The following CCDC88C variants were observed in gnomAD, a reference collection of about 807,000 sequenced individuals.
The protein encoded by CCDC88C is coiled-coil and HOOK domain protein 88C.
A neutral mutation model predicts 198.8 loss-of-function variants in CCDC88C; 131 were observed. The observed-to-expected ratio is 0.66, with a 90% confidence interval of 0.57 to 0.76. The LOEUF is 0.76. Ranked by LOEUF, CCDC88C falls within the 30% of genes least tolerant of loss-of-function variation. The pLI is 0.00. For synonymous variants in CCDC88C, 1,166 were observed against 1,114.7 expected (o/e 1.05, Z -0.92); for missense variants, 2,553 against 2,631.6 (o/e 0.97, Z 0.65).
Position 91,325,953 on chromosome 14 carries a change from T to C in CCDC88C, c.1154A>G (p.Lys385Arg), listed in dbSNP as rs1486529148. The change falls in exon 11 of 30, where the codon AAG (lysine) becomes AGG (arginine). Residue 385 changes from lysine (K) to arginine (R), a missense_variant. By Grantham distance (26) the Lys-to-Arg change is conservative. Transcript: ENST00000389857. The surrounding 1 kb of genome is among the most constrained non-coding windows in gnomAD (Gnocchi z 4.1). ...ARGDKVHELE[K>R]ENLQLKSKLH... ...CTTGGATTTCAGCTGCAGGTTCTCC[T>C]TTTCCAGCTCATGGACTTTATCGCC... 1 of 1,561,834 alleles carries C rather than the reference T, an allele frequency of 6.4e-7. No individual in the cohort carries two copies. Among genetic ancestry groups the C allele is most frequent in the Non-Finnish European group, 8.7e-7 (1 of 1,152,094 alleles).
At position 91,289,162 on chromosome 14, in the gene CCDC88C, CG is replaced by C; in HGVS notation, c.4383del (p.Ala1462HisfsTer24). 6.2e-7 allele frequency: 1 copy of C among 1,613,710 alleles called. No homozygotes were observed. Among genetic ancestry groups the C allele is most frequent in the Non-Finnish European group, 8.5e-7 (1 of 1,179,856 alleles). ...TCTTCTGCACAGTTGGAGCCCAGTG[CG>C]GGGGTGTCGGGGTTCTCGGCCTGTG... Reference protein sequence around the residue: ...LRSQAENPDTPALGSNCAEER... With the variant: ...LRSQAENPDTXALGSNCAEER... On this transcript the variant is annotated frameshift_variant, in exon 25 of 30. Transcript: ENST00000389857. LOFTEE classifies it high-confidence loss of function.
At chr14:91,379,330 C>A (rs80061751) in intron 3 of CCDC88C, 197 of 153,748 alleles carry the variant, frequency 1.3e-3, no homozygotes, top group African/African-American at 4.5e-3. Context: ...GGGCAAGAAG[C>A]CACAGGGGGA....
Position 91,313,508 on chromosome 14 carries a change from G to A in CCDC88C, c.2308C>T (p.Arg770Trp), listed in dbSNP as rs555874748. 2.6e-5 allele frequency: 42 copies of A among 1,608,562 alleles called. No individual in the cohort carries two copies. The highest frequency in any genetic ancestry group is 1.8e-4 in the Admixed American group (11 of 60,030). Reference sequence around the variant, plus strand: ...CTGCTCTCCAGGCTCTGCTGCAGCCGGAGGTTCTCAGCGCTCACGCTCTGG... The same window carrying A: ...CTGCTCTCCAGGCTCTGCTGCAGCCAGAGGTTCTCAGCGCTCACGCTCTGG... ...SYQSVSAENL[R>W]LQQSLESSSH... The change falls in exon 15 of 30, where the codon CGG becomes TGG. Residue 770 changes from arginine to tryptophan, a missense_variant. Transcript: ENST00000389857. The surrounding 1 kb of genome is among the most constrained non-coding windows in gnomAD (Gnocchi z 5.2).
At chr14:91,373,432 C>T (rs1434213058) in intron 3 of CCDC88C, among the ~76,000 whole-genome samples, 1 of 152,208 alleles carries the variant, frequency 6.6e-6, no homozygotes, top group Non-Finnish European at 1.5e-5. Flanking sequence ...ATTCTACACA[C>T]ATGGGAACCA....
intron 12 of CCDC88C, among the ~76,000 whole-genome samples, chr14:91,324,416 T>G (rs569621083): frequency 6.6e-6 from 1 of 152,252 alleles, no homozygotes; most frequent in Non-Finnish European, 1.5e-5. Context: ...ATAGCAGGGA[T>G]TCGTGGCCAC....
At chr14:91,293,507 G>A (rs67026025) in intron 23 of CCDC88C, among the ~76,000 whole-genome samples, 12,026 of 17,396 alleles carry the variant, frequency 0.69, 3,933 homozygotes, top group Middle Eastern at 0.79. Flanking sequence ...CACCTGCCAC[G>A]GCCTACCTTC....
At chr14:91,283,639 T>C in intron 25 of CCDC88C, 122 bp from the exon 26 acceptor site, 1 of 937,418 alleles carries the variant, frequency 1.1e-6, no homozygotes, top group Non-Finnish European at 1.6e-6. Context: ...AAAGCGGGGC[T>C]GCCACAGCTC....
Position 91,284,683 on chromosome 14 carries a change from G to A in CCDC88C, c.4442-1166C>T, listed in dbSNP as rs1567049341. Among the ~76,000 whole-genome samples, 1 of 152,192 alleles carries A rather than the reference G, an allele frequency of 6.6e-6. No individual in the cohort carries two copies. The highest frequency in any genetic ancestry group is 1.5e-5 in the Non-Finnish European group (1 of 68,036). On this transcript the variant is annotated intron_variant, in intron 25 of 29. Transcript: ENST00000389857. The surrounding 1 kb of genome is among the most constrained non-coding windows in gnomAD (Gnocchi z 4.1). ...AGATGAAGTCAGTGGCACATTAACC[G>A]ACTCTCATATTTTAGTAATTATGTG...
chr14:91,417,595 G>C (rs1486369109), intron 1 of CCDC88C, 36 bp downstream of exon 1: 2 of 1,564,228 alleles, frequency 1.3e-6, no homozygotes, highest in Admixed American at 1.8e-5. Flanking sequence ...AGAAGCCGGT[G>C]CACCAACAAA....
Position 91,293,567 on chromosome 14 carries a change from G to GCCCACCTTCCTGTCCCCTCACCTGCCACA in CCDC88C, c.4112+605_4112+606insTGTGGCAGGTGAGGGGACAGGAAGGTGGG, listed in dbSNP as rs1567055921. Among the ~76,000 whole-genome samples, 2 of 16,124 alleles carry GCCCACCTTCCTGTCCCCTCACCTGCCACA rather than the reference G, an allele frequency of 1.2e-4. 1 individual carries two copies. Among genetic ancestry groups the GCCCACCTTCCTGTCCCCTCACCTGCCACA allele is most frequent in the Non-Finnish European group, 2.3e-4 (2 of 8,524 alleles). 10.6% of individuals were successfully genotyped at this position (16,124 alleles called of 152,430 possible). On this transcript the variant is annotated intron_variant, in intron 23 of 29. Coordinates refer to ENST00000389857, the MANE Select transcript of CCDC88C (RefSeq NM_001080414.4). ...ACCTTCCTGTCCCCTCGCCTGCCAC[G>GCCCACCTTCCTGTCCCCTCACCTGCCACA]GCCCACCTTCCTGTCCCCTCGCCTG... is the stretch of plus-strand genomic sequence containing the variant.
intron 21 of CCDC88C, 96 bp from the exon 22 acceptor site, chr14:91,297,587 C>T: frequency 7.8e-7 from 1 of 1,275,960 alleles, no homozygotes; most frequent in Non-Finnish European, 1.1e-6. Flanking sequence ...CTGACAGTGG[C>T]AGGCTGTGCA....
intron 3 of CCDC88C, among the ~76,000 whole-genome samples, chr14:91,364,623 T>C (rs1426517700): frequency 6.6e-6 from 1 of 151,678 alleles, no homozygotes; most frequent in Non-Finnish European, 1.5e-5. Context: ...AGGGGGAGGG[T>C]TGGGGTGGGC....
At chr14:91,340,925 C>T (rs1893286999) in intron 6 of CCDC88C, among the ~76,000 whole-genome samples, 1 of 152,038 alleles carries the variant, frequency 6.6e-6, no homozygotes, top group Non-Finnish European at 1.5e-5. Context: ...CCACTTGAGG[C>T]CAGGAGTTTG....
At position 91,417,780 on chromosome 14, in the gene CCDC88C, G is replaced by A. The variant is rs1328346817; in HGVS notation, c.-90C>T. 2 of 928,366 alleles carry A rather than the reference G, an allele frequency of 2.2e-6. No individual in the cohort carries two copies. Among genetic ancestry groups the A allele is most frequent in the African/African-American group, 1.8e-5 (1 of 56,892 alleles). 57.5% of individuals were successfully genotyped at this position (928,366 alleles called of 1,614,324 possible). A position where few individuals can be genotyped will look rare whatever the true frequency, so the allele number is the denominator to read the frequency against. On this transcript the variant is annotated 5_prime_UTR_variant, in exon 1 of 30. Transcript: ENST00000389857. ...ACAAAACGGCTCCGCAGCGAGCAGC[G>A]GGCGCGGGGCTGCGGCGGCTCGCGC...
At position 91,339,224 on chromosome 14, in the gene CCDC88C, C is replaced by T. The variant is rs768621398; in HGVS notation, c.809+54G>A. The stretch of plus-strand genomic sequence containing the variant: ...ACCACACATGTGAGTCGACACCACA[C>T]CAGAAACATGTCTGCAACACACACA... On this transcript the variant is annotated intron_variant, in intron 8 of 29. Coordinates refer to ENST00000389857, the MANE Select transcript of CCDC88C (RefSeq NM_001080414.4). The surrounding 1 kb of genome is among the most constrained non-coding windows in gnomAD (Gnocchi z 5.8). The T allele has an allele frequency of 1.9e-6, 3 of 1,596,168 alleles. No homozygotes were observed. Among genetic ancestry groups the T allele is most frequent in the Non-Finnish European group, 2.6e-6 (3 of 1,170,234 alleles).
chr14:91,395,273 C>G (rs1418354225), intron 3 of CCDC88C, among the ~76,000 whole-genome samples: 1 of 152,168 alleles, frequency 6.6e-6, no homozygotes, highest in African/African-American at 2.4e-5. Context: ...TACAGGTGAA[C>G]AAGTACGTCC....
intron 21 of CCDC88C, among the ~76,000 whole-genome samples, chr14:91,299,721 AT>A (rs1018669688): frequency 1.5e-4 from 23 of 152,368 alleles, no homozygotes; most frequent in South Asian, 2.1e-4. Context: ...ACGACGCGCC[AT>A]CCCCAGGTGT....
intron 3 of CCDC88C, among the ~76,000 whole-genome samples, chr14:91,386,576 G>A (rs557593249): frequency 3.1e-4 from 47 of 152,318 alleles, no homozygotes; most frequent in African/African-American, 6.0e-4. Flanking sequence ...TAGTTCATTC[G>A]CCACCCCAAT....
At chr14:91,290,674 C>T (rs1368632726) in intron 24 of CCDC88C, among the ~76,000 whole-genome samples, 3 of 152,230 alleles carry the variant, frequency 2.0e-5, no homozygotes, top group Non-Finnish European at 4.4e-5. Flanking sequence ...CATGTTTAAT[C>T]CTGAGACGAA....
Sources: gnomAD v4.1 joint callset for allele counts (sites outside exome capture counted in the v4.1 genomes callset) on GRCh38, gnomAD v4.1.1 for gene constraint, Gnocchi (gnomAD v3.1) non-coding constraint, MANE v1.5 for transcripts, NCBI Gene and HGNC (gene_info 2026-07-23, HGNC 2026-07-21) for gene names.